Variants in SVEP1 observed in about 807,000 individuals in gnomAD.
SVEP1 encodes the protein sushi, von Willebrand factor type A, EGF and pentraxin domain-containing protein 1.
In SVEP1, 164 loss-of-function variants were observed where a neutral mutation model predicts 367.3. The observed-to-expected ratio is 0.45, with a 90% CI of 0.39 to 0.51. SVEP1 has a LOEUF of 0.51. Among genes scored for constraint, SVEP1 ranks in the 20% least tolerant of loss-of-function variants. SVEP1 has a pLI of 0.00. For missense variants in SVEP1, 4,117 were observed against 4,425.3 expected, an observed-to-expected ratio of 0.93 and a Z score of 1.98; for synonymous variants, 1,666 against 1,611.6, an observed-to-expected ratio of 1.03 and a Z score of -0.81.
chr9:110,427,482 T>A, intron 36 of SVEP1, 109 bp downstream of exon 36: 1 of 1,340,382 alleles, frequency 7.5e-7, no homozygotes, highest in Non-Finnish European at 1.0e-6. Context: ...TCTCTTTGTC[T>A]TTGGCTGCCA....
chr9:110,395,234 T>A (rs1377489346), intron 40 of SVEP1, among the ~76,000 whole-genome samples: 5 of 152,104 alleles, frequency 3.3e-5, no homozygotes, highest in Non-Finnish European at 5.9e-5. Flanking sequence ...AACCCAGAAT[T>A]TCATATCCAG....
At chr9:110,541,524 AG>A (rs957679897) in intron 3 of SVEP1, among the ~76,000 whole-genome samples, 1 of 152,104 alleles carries the variant, frequency 6.6e-6, no homozygotes, top group Non-Finnish European at 1.5e-5. Context: ...AGAATTCATA[AG>A]ATATACGGTT....
chr9:110,375,465 T>TCAAAAA lies in SVEP1; in HGVS notation c.10505-3_10505-2insTTTTTG. On this transcript the variant is annotated splice_region_variant and splice_polypyrimidine_tract_variant and intron_variant, in intron 45 of 47. Transcript: ENST00000374469. Reference sequence around the variant, plus strand: ...TCAGACAGGGAAGAATGCAGATTGCTAAAAAAAAAAAAAAAAAAAAAAAAA... The same window carrying TCAAAAA: ...TCAGACAGGGAAGAATGCAGATTGCTCAAAAAAAAAAAAAAAAAAAAAAAAAAAAAA... The TCAAAAA allele has an allele frequency of 1.8e-6, 1 of 555,402 alleles. No homozygotes were observed. Among genetic ancestry groups the TCAAAAA allele is most frequent in the Non-Finnish European group, 2.7e-6 (1 of 373,752 alleles). The allele number at this position is 555,402 out of a possible 1,614,324, so 34.4% of individuals were successfully genotyped here.
intron 3 of SVEP1, among the ~76,000 whole-genome samples, chr9:110,542,544 C>T (rs918940501): frequency 6.6e-6 from 1 of 152,126 alleles, no homozygotes; most frequent in Non-Finnish European, 1.5e-5. Flanking sequence ...CTTGAAACTT[C>T]TGTGTTGTGT....
intron 3 of SVEP1, among the ~76,000 whole-genome samples, chr9:110,545,722 A>T (rs2118842329): frequency 6.6e-6 from 1 of 152,264 alleles, no homozygotes; most frequent in African/African-American, 2.4e-5. Flanking sequence ...TTCTCCTCCC[A>T]GTTCTGAACC....
At chr9:110,529,365 T>A (rs1399941993) in intron 3 of SVEP1, among the ~76,000 whole-genome samples, 1 of 152,158 alleles carries the variant, frequency 6.6e-6, no homozygotes, top group East Asian at 1.9e-4. Flanking sequence ...TGGCTCCATA[T>A]GAATTTTAAG....
intron 43 of SVEP1, among the ~76,000 whole-genome samples, chr9:110,381,681 G>A (rs1489215334): frequency 1.3e-5 from 2 of 152,140 alleles, no homozygotes; most frequent in African/African-American, 2.4e-5. Flanking sequence ...TTTTGGGGTG[G>A]AGAGTTCTGT....
chr9:110,567,719 C>T (rs1012723931), intron 1 of SVEP1, among the ~76,000 whole-genome samples: 1 of 152,158 alleles, frequency 6.6e-6, no homozygotes, highest in Non-Finnish European at 1.5e-5. Context: ...GTCACATACC[C>T]TTGCTTGGCC....
At chr9:110,368,944 C>CCAAT (rs1827238401) in intron 47 of SVEP1, among the ~76,000 whole-genome samples, 1 of 151,758 alleles carries the variant, frequency 6.6e-6, no homozygotes, top group Non-Finnish European at 1.5e-5. Flanking sequence ...CTTTGACATT[C>CCAAT]CAATCAAAAT....
intron 3 of SVEP1, among the ~76,000 whole-genome samples, chr9:110,525,500 C>A (rs10980429): frequency 0.14 from 20,938 of 152,046 alleles, 1,710 homozygotes; most frequent in East Asian, 0.36. Flanking sequence ...ATTCTTCCAT[C>A]ATTAATATGC....
chr9:110,498,192 C>T (rs1301501809), intron 7 of SVEP1, among the ~76,000 whole-genome samples: 2 of 152,116 alleles, frequency 1.3e-5, no homozygotes, highest in African/African-American at 4.8e-5. Flanking sequence ...AAGATTTTTC[C>T]ATTAACTCTG....
In SVEP1 at chr9:110,513,009, T is replaced by C; in HGVS notation, c.1220A>G (p.His407Arg). The C allele has an allele frequency of 1.2e-6, 2 of 1,614,000 alleles. No homozygotes were observed. The highest frequency in any genetic ancestry group is 8.5e-7 in the Non-Finnish European group (1 of 1,179,866). The change falls in exon 5 of 48, where the codon CAC becomes CGC. Residue 407 changes from histidine (H) to arginine (R), a missense_variant. This residue lies in a region of SVEP1 where 2,174 missense variants were observed against 2,494.3 expected (regional missense o/e 0.87). Coordinates refer to ENST00000374469, the MANE Select transcript of SVEP1 (RefSeq NM_153366.4). ...GCTTCCCACAAGATCAAATCCAGGG[T>C]GACATCGGACCCCACAGGCTGCATT... is the stretch of plus-strand genomic sequence containing the variant. ...HFNAACGVRCHPGFDLVGSSI... is the reference protein window; with the variant it reads ...HFNAACGVRCRPGFDLVGSSI...
At chr9:110,431,628 T>A (rs1030491374) in intron 32 of SVEP1, among the ~76,000 whole-genome samples, 5 of 152,218 alleles carry the variant, frequency 3.3e-5, no homozygotes, top group African/African-American at 1.2e-4. Context: ...TATTTCTATA[T>A]CCACTCTATT....
intron 10 of SVEP1, 23 bp from the exon 11 acceptor site, chr9:110,482,515 A>C (rs1285095702): frequency 2.6e-6 from 4 of 1,552,340 alleles, no homozygotes; most frequent in Admixed American, 3.9e-5. Flanking sequence ...GAAGGCAGCC[A>C]ATTTTTGGGT....
At position 110,445,994 on chromosome 9, in the gene SVEP1, A is replaced by T. The variant is rs1828590653; in HGVS notation, c.4306T>A (p.Tyr1436Asn). 1 of 1,613,664 alleles carries T rather than the reference A, an allele frequency of 6.2e-7. No individual in the cohort carries two copies. Among genetic ancestry groups the T allele is most frequent in the African/African-American group, 1.3e-5 (1 of 74,902 alleles). Residue 1436 changes from tyrosine (Y) to asparagine (N), a missense_variant, in exon 26 of 48, where the codon TAT becomes AAT. This residue lies in a region of SVEP1 where 2,174 missense variants were observed against 2,494.3 expected (regional missense o/e 0.87). Coordinates refer to ENST00000374469, the MANE Select transcript of SVEP1 (RefSeq NM_153366.4). The part of the protein sequence containing the change: ...FNLDFEVSGI[Y>N]GYVMLDGMLP... ...ATGCCATCTAGCATGACATATCCAT[A>T]GATGCCAGAAACTTCAAAATCCAGG...
chr9:110,368,010 G>A (rs975996632), intron 47 of SVEP1, among the ~76,000 whole-genome samples: 16 of 152,174 alleles, frequency 1.1e-4, no homozygotes, highest in African/African-American at 3.9e-4. Flanking sequence ...CCCATGAGGT[G>A]GAGGTTGCAG....
Position 110,472,435 on chromosome 9 carries a change from C to T in SVEP1, c.2600-112G>A, listed in dbSNP as rs1040671298. 7 of 1,007,704 alleles carry T rather than the reference C, an allele frequency of 6.9e-6. No homozygotes were observed. The African/African-American group carries it at 9.8e-5, about 14-fold the overall frequency. The allele number at this position is 1,007,704 out of a possible 1,614,324, so 62.4% of individuals were successfully genotyped here. A position where few individuals can be genotyped will look rare whatever the true frequency, so the allele number is the denominator to read the frequency against. On this transcript the variant is annotated intron_variant, in intron 14 of 47. Transcript: ENST00000374469. ...TACACTTGACCATTTCCTCAAATGC[C>T]CATAACATACTGCATACAGGGTTTG...
rs777457108 is a variant in SVEP1, at chr9:110,512,960, A to G, written c.1269T>C (p.Asn423=). 2.5e-6 allele frequency: 4 copies of G among 1,614,008 alleles called. No homozygotes were observed. Among genetic ancestry groups the G allele is most frequent in the African/African-American group, 1.3e-5 (1 of 75,044 alleles). The part of the protein sequence containing the change: ...VGSSIILCLP[N]GLWSGSESYC... ...AGCTCTCTGAACCGGACCACAAACC[A>G]TTGGGTAGACATAAGATGATGCTGC... Residue 423 remains asparagine (N), a synonymous_variant, in exon 5 of 48, where the codon AAT becomes AAC. Coordinates refer to ENST00000374469, the MANE Select transcript of SVEP1 (RefSeq NM_153366.4).
intron 24 of SVEP1, 130 bp downstream of exon 24, chr9:110,449,929 T>C (rs1828665876): frequency 9.3e-7 from 1 of 1,074,150 alleles, no homozygotes; most frequent in East Asian, 2.4e-5. Context: ...TATTCAGCTG[T>C]AGCCTATCCT....
Sources: gnomAD v4.1 joint callset for allele counts (sites outside exome capture counted in the v4.1 genomes callset) on GRCh38, gnomAD v4.1.1 for gene constraint, gnomAD v4.1.1 regional missense constraint, MANE v1.5 for transcripts, NCBI Gene and HGNC (gene_info 2026-07-23, HGNC 2026-07-21) for gene names.